The following OCA2 variants were observed in gnomAD, a reference collection of about 807,000 sequenced individuals.
OCA2 encodes the protein OCA2 melanosomal transmembrane protein.
Under a neutral mutation model 100.2 loss-of-function variants are expected in OCA2, and 77 were observed. The ratio of observed to expected loss-of-function variants is 0.77; its 90% CI spans 0.64 to 0.93. The LOEUF (loss-of-function observed/expected upper bound fraction) is 0.93. Ranked by LOEUF, OCA2 falls within the 40% of genes least tolerant of loss-of-function variation. The pLI, the probability that OCA2 is intolerant of heterozygous loss-of-function variation, is 0.00. For synonymous variants in OCA2, 432 were observed against 439.2 expected (o/e 0.98, Z 0.21); for missense variants, 1,062 against 1,089.1 (o/e 0.98, Z 0.35).
chr15:27,813,161 C>T (rs867731774), intron 23 of OCA2, among the ~76,000 whole-genome samples: 7 of 152,164 alleles, frequency 4.6e-5, no homozygotes, highest in Non-Finnish European at 8.8e-5. Flanking sequence ...GTGGCATTGC[C>T]TCAGGAGTGT....
chr15:27,847,706 AG>A (rs1472468180), intron 22 of OCA2, among the ~76,000 whole-genome samples: 1 of 152,268 alleles, frequency 6.6e-6, no homozygotes, highest in East Asian at 1.9e-4. Context: ...ATTTAAATTC[AG>A]AAGACCTCAG....
At chr15:27,723,382 G>C in the OCA2 span, among the ~76,000 whole-genome samples, 6 of 152,160 alleles carry the variant, frequency 3.9e-5, no homozygotes, top group Non-Finnish European at 8.8e-5. Flanking sequence ...GAGCACTGCT[G>C]TGTGAGTCCA....
At chr15:28,070,671 G>A (rs1423181966) in intron 2 of OCA2, among the ~76,000 whole-genome samples, 1 of 149,642 alleles carries the variant, frequency 6.7e-6, no homozygotes, top group Non-Finnish European at 1.5e-5. Context: ...GTGCCCAACA[G>A]CTCATTGAGA....
chr15:27,894,082 C>G (rs1466081493), intron 19 of OCA2, among the ~76,000 whole-genome samples: 1 of 152,240 alleles, frequency 6.6e-6, no homozygotes, highest in Non-Finnish European at 1.5e-5. Context: ...TCACCCCCAG[C>G]AGCCCACCTG....
intron 2 of OCA2, among the ~76,000 whole-genome samples, chr15:28,065,401 T>C (rs919169150): frequency 6.6e-6 from 1 of 152,238 alleles, no homozygotes; most frequent in Admixed American, 6.5e-5. Flanking sequence ...TAGGCCTCTA[T>C]AGTTTGTCAG....
At chr15:28,052,503 T>C (rs1185026407) in intron 2 of OCA2, among the ~76,000 whole-genome samples, 4 of 152,252 alleles carry the variant, frequency 2.6e-5, no homozygotes, top group East Asian at 3.9e-4. Context: ...TGAGCATTGC[T>C]GGCCTCAGAG....
chr15:27,758,101 TGAA>T (rs2030531658), intron 23 of OCA2, among the ~76,000 whole-genome samples: 1 of 152,104 alleles, frequency 6.6e-6, no homozygotes, highest in Non-Finnish European at 1.5e-5. Context: ...ACCATAAAGA[TGAA>T]GAAGAGGCAG....
intron 2 of OCA2, among the ~76,000 whole-genome samples, chr15:28,060,736 C>G (rs1028386202): frequency 6.6e-6 from 1 of 152,226 alleles, no homozygotes; most frequent in Non-Finnish European, 1.5e-5. Context: ...TATCCCTTTA[C>G]CCAGTTCTGT....
At chr15:27,828,365 C>G (rs2034816981) in intron 23 of OCA2, among the ~76,000 whole-genome samples, 1 of 152,204 alleles carries the variant, frequency 6.6e-6, no homozygotes, top group African/African-American at 2.4e-5. Flanking sequence ...GCATCCCTAG[C>G]TACTGTGGGG....
At chr15:27,958,791 C>T (rs189867927) in intron 15 of OCA2, among the ~76,000 whole-genome samples, 129 of 152,266 alleles carry the variant, frequency 8.5e-4, no homozygotes, top group Admixed American at 1.4e-3. Flanking sequence ...CCATCCCTTA[C>T]GTGCAATACT....
chr15:27,939,609 C>A (rs2039575517), intron 18 of OCA2, among the ~76,000 whole-genome samples: 1 of 152,252 alleles, frequency 6.6e-6, no homozygotes, highest in African/African-American at 2.4e-5. Flanking sequence ...ATGCTAAATG[C>A]AGTTAAGAAT....
intron 7 of OCA2, 137 bp downstream of exon 7, chr15:28,018,260 T>C: frequency 1.3e-6 from 1 of 778,516 alleles, no homozygotes; most frequent in Non-Finnish European, 2.2e-6. Context: ...AAGCAAAAGA[T>C]AAGAAGAGCC....
chr15:28,020,597 G>A (rs2042563100), intron 6 of OCA2, among the ~76,000 whole-genome samples: 1 of 151,942 alleles, frequency 6.6e-6, no homozygotes, highest in Non-Finnish European at 1.5e-5. Flanking sequence ...CTTCATCCTG[G>A]AGAAGTAATG....
chr15:27,732,408 G>T, the OCA2 span, among the ~76,000 whole-genome samples: 2 of 152,058 alleles, frequency 1.3e-5, no homozygotes, highest in Non-Finnish European at 2.9e-5. Context: ...TGGCCCGTGG[G>T]GTCCAGCCCA....
intron 9 of OCA2, among the ~76,000 whole-genome samples, chr15:27,994,926 T>C (rs931343159): frequency 2.0e-5 from 3 of 152,168 alleles, no homozygotes; most frequent in Admixed American, 1.3e-4. Context: ...GGTTACCATT[T>C]GCATGGAAAT....
intron 17 of OCA2, among the ~76,000 whole-genome samples, chr15:27,952,575 A>T (rs1441537049): frequency 1.3e-5 from 2 of 152,336 alleles, no homozygotes; most frequent in Non-Finnish European, 2.9e-5. Flanking sequence ...CCCTGTTAAC[A>T]AGGTCCCCGT....
At chr15:27,946,084 T>C (rs2140540573) in intron 18 of OCA2, among the ~76,000 whole-genome samples, 1 of 152,326 alleles carries the variant, frequency 6.6e-6, no homozygotes, top group African/African-American at 2.4e-5. Context: ...GCAGAAATCA[T>C]GCTCGGATGA....
intron 2 of OCA2, among the ~76,000 whole-genome samples, chr15:28,051,365 T>C (rs1192699421): frequency 6.6e-6 from 1 of 152,120 alleles, no homozygotes; most frequent in East Asian, 1.9e-4. Flanking sequence ...TGATCTCTGC[T>C]TACAGCAATC....
chr15:27,880,864 T>C (rs944798588), intron 19 of OCA2, among the ~76,000 whole-genome samples: 7 of 152,190 alleles, frequency 4.6e-5, no homozygotes, highest in Admixed American at 3.9e-4. Context: ...TCTTGCCTGA[T>C]TGCCCTGGCC....
Sources: allele counts gnomAD v4.1 joint callset (sites outside exome capture counted in the v4.1 genomes callset), GRCh38; gene constraint gnomAD v4.1.1; transcripts MANE v1.5; gene names NCBI Gene and HGNC (gene_info 2026-07-23, HGNC 2026-07-21).